The following CDH18 variants were observed in gnomAD, a reference collection of about 807,000 sequenced individuals.
The protein encoded by CDH18 is cadherin-18.
Under a neutral mutation model 67.9 loss-of-function variants are expected in CDH18, and 31 were observed. The observed-to-expected ratio is 0.46, with a 90% CI of 0.34 to 0.62. The LOEUF (loss-of-function observed/expected upper bound fraction) is 0.62. CDH18 is among the 20% of genes least tolerant of loss of function. The pLI, the probability that CDH18 is intolerant of heterozygous loss-of-function variation, is 0.01. For missense variants in CDH18, 890 were observed against 975.5 expected, an observed-to-expected ratio of 0.91 and a Z score of 1.17; for synonymous variants, 362 against 347.2, an observed-to-expected ratio of 1.04 and a Z score of -0.48.
chr5:20,020,491 C>T (rs1738316881), intron 2 of CDH18, among the ~76,000 whole-genome samples: 1 of 152,138 alleles, frequency 6.6e-6, no homozygotes, highest in Non-Finnish European at 1.5e-5. Context: ...GGCTCAGGAA[C>T]CAGCTGCCCT....
intron 3 of CDH18, among the ~76,000 whole-genome samples, chr5:19,822,902 A>G (rs1012546442): frequency 6.6e-6 from 1 of 152,128 alleles, no homozygotes; most frequent in African/African-American, 2.4e-5. Context: ...ACTGGGGCTT[A>G]TTTCATCCCT....
intron 2 of CDH18, among the ~76,000 whole-genome samples, chr5:19,913,020 T>C (rs1268949079): frequency 6.6e-6 from 1 of 152,062 alleles, no homozygotes; most frequent in Admixed American, 6.6e-5. Flanking sequence ...ATGGGTATTT[T>C]AAAGAAAATC....
rs1741026816 is a variant in CDH18, at chr5:20,219,271, T to C, written c.-518+36173A>G. On this transcript the variant is annotated intron_variant, in intron 2 of 14. Transcript: ENST00000507958. ...ATTAGACTCATACAATCTACCAAAC[T>C]TGAACCATGAAAAATCCAAAACCTG... 2.0e-5 allele frequency among the ~76,000 whole-genome samples: 3 copies of C among 151,724 alleles called. 1 individual carries two copies. The highest frequency in any genetic ancestry group is 7.3e-5 in the African/African-American group (3 of 41,376).
chr5:19,868,788 C>A (rs1249931267), intron 2 of CDH18, among the ~76,000 whole-genome samples: 1 of 152,144 alleles, frequency 6.6e-6, no homozygotes. Context: ...AAAGACCATA[C>A]AACTCCCCAT....
At chr5:20,025,522 T>C (rs1488970552) in intron 2 of CDH18, among the ~76,000 whole-genome samples, 1 of 152,192 alleles carries the variant, frequency 6.6e-6, no homozygotes, top group Non-Finnish European at 1.5e-5. Flanking sequence ...TAGCTTCATA[T>C]ACTTCAAAGT....
intron 3 of CDH18, among the ~76,000 whole-genome samples, chr5:19,813,504 A>C (rs1281722989): frequency 1.3e-5 from 2 of 152,094 alleles, no homozygotes; most frequent in East Asian, 3.9e-4. Context: ...TTAATATCTC[A>C]TTAGAGAGAC....
At chr5:19,578,105 A>G (rs1742621276) in intron 7 of CDH18, among the ~76,000 whole-genome samples, 1 of 152,158 alleles carries the variant, frequency 6.6e-6, no homozygotes, top group African/African-American at 2.4e-5. Context: ...CTGATTCCAG[A>G]CTTCTGGCCT....
chr5:19,951,117 C>A (rs1795746049), intron 2 of CDH18, among the ~76,000 whole-genome samples: 1 of 152,078 alleles, frequency 6.6e-6, no homozygotes, highest in African/African-American at 2.4e-5. Context: ...CTGTGGCAGA[C>A]ATGAGCACAG....
rs138804882 is a variant in CDH18 at position 19,539,849 on chromosome 5, C to A, written c.1390+4020G>T. 7.1e-3 allele frequency among the ~76,000 whole-genome samples: 1,088 copies of A among 152,274 alleles called. 13 individuals are homozygous for A. The highest frequency in any genetic ancestry group is 0.022 in the African/African-American group (896 of 41,554). On this transcript the variant is annotated intron_variant, in intron 9 of 12. Coordinates refer to ENST00000382275, the MANE Select transcript of CDH18 (RefSeq NM_004934.5). Reference sequence around the variant, plus strand: ...CAACATGTGGAAATTATGGGAGCTACAATTCAAGATGAGATTTGTGTGGGG... The same window carrying A: ...CAACATGTGGAAATTATGGGAGCTAAAATTCAAGATGAGATTTGTGTGGGG...
intron 1 of CDH18, among the ~76,000 whole-genome samples, chr5:20,421,656 T>A (rs1001209956): frequency 6.6e-6 from 1 of 151,012 alleles, no homozygotes; most frequent in Non-Finnish European, 1.5e-5. Context: ...TGCAGAGTCA[T>A]GGGTTAGCAT....
At chr5:20,357,401 T>C (rs77488388) in intron 1 of CDH18, among the ~76,000 whole-genome samples, 1,734 of 152,262 alleles carry the variant, frequency 0.011, 35 homozygotes, top group African/African-American at 0.04. Flanking sequence ...AATGCTCTGA[T>C]AGAAAAACTG....
chr5:20,557,618 A>G (rs1274944425), intron 1 of CDH18, among the ~76,000 whole-genome samples: 1 of 152,132 alleles, frequency 6.6e-6, no homozygotes, highest in South Asian at 2.1e-4. Context: ...TGGCCTTGAT[A>G]TTTTAATAGC....
intron 2 of CDH18, among the ~76,000 whole-genome samples, chr5:19,844,716 A>T (rs1782733374): frequency 6.6e-6 from 1 of 152,208 alleles, no homozygotes; most frequent in African/African-American, 2.4e-5. Flanking sequence ...AATTATTTCA[A>T]GACCCAAGTA....
At chr5:20,329,692 C>T (rs867952120) in intron 1 of CDH18, among the ~76,000 whole-genome samples, 2 of 149,886 alleles carry the variant, frequency 1.3e-5, no homozygotes, top group South Asian at 4.2e-4. Context: ...ATTTCTTGAA[C>T]CCCGGAGGCG....
intron 5 of CDH18, among the ~76,000 whole-genome samples, chr5:19,667,096 CAT>C (rs1421352100): frequency 1.3e-5 from 2 of 151,732 alleles, no homozygotes; most frequent in African/African-American, 4.8e-5. Context: ...AACATATTAA[CAT>C]ATGTGTTTGT....
At chr5:19,867,192 A>G (rs1050253323) in intron 2 of CDH18, among the ~76,000 whole-genome samples, 6 of 152,204 alleles carry the variant, frequency 3.9e-5, no homozygotes, top group African/African-American at 1.4e-4. Context: ...TCTACAGACT[A>G]CTAAAATTGA....
intron 2 of CDH18, among the ~76,000 whole-genome samples, chr5:20,161,438 C>T (rs1041840596): frequency 2.0e-5 from 3 of 152,120 alleles, no homozygotes; most frequent in Non-Finnish European, 2.9e-5. Context: ...GGTAGTTCCT[C>T]ACTGAACAAG....
At chr5:20,051,375 A>G (rs2150490569) in intron 2 of CDH18, among the ~76,000 whole-genome samples, 1 of 152,076 alleles carries the variant, frequency 6.6e-6, no homozygotes, top group African/African-American at 2.4e-5. Flanking sequence ...ACAGTCTTCT[A>G]TAATATTTCT....
intron 8 of CDH18, among the ~76,000 whole-genome samples, chr5:19,568,886 A>T (rs1042406725): frequency 4.6e-5 from 7 of 152,148 alleles, no homozygotes; most frequent in African/African-American, 1.7e-4. Context: ...CTCTCCAGAC[A>T]TTTTCAACTG....
Sources: gnomAD v4.1 joint callset for allele counts (sites outside exome capture counted in the v4.1 genomes callset) on GRCh38, gnomAD v4.1.1 for gene constraint, MANE v1.5 for transcripts, NCBI Gene and HGNC (gene_info 2026-07-23, HGNC 2026-07-21) for gene names.